The following ZNF254 variants were observed in gnomAD, a reference collection of about 807,000 sequenced individuals.
ZNF254 encodes zinc finger protein 254, also known as CTD-2017D11.1.
A neutral mutation model predicts 12.4 loss-of-function variants in ZNF254; 10 were observed. That is an observed-to-expected ratio of 0.80 (90% CI 0.50 to 1.36). The LOEUF (loss-of-function observed/expected upper bound fraction) is 1.36, where lower values mean the gene tolerates loss of function less well. ZNF254 is among the 40% of genes most tolerant of loss of function. The pLI, the probability that ZNF254 is intolerant of heterozygous loss-of-function variation, is 0.00. For missense variants in ZNF254, 996 were observed against 763.9 expected, an observed-to-expected ratio of 1.30 and a Z score of -3.58; for synonymous variants, 305 against 253.4, an observed-to-expected ratio of 1.20 and a Z score of -1.93.
chr19:24,122,142 T>C (rs1974524745), intron 3 of ZNF254, among the ~76,000 whole-genome samples: 1 of 152,246 alleles, frequency 6.6e-6, no homozygotes, highest in South Asian at 2.1e-4. Flanking sequence ...ACTAATTATC[T>C]TGACATTGTC....
rs544250392 is a variant in ZNF254, at chr19:24,113,069, C to A, written c.253+6426C>A. Reference sequence around the variant, plus strand: ...TTACCAATGAAAAAGAGTCCTGGATCAGATGGATTCACAGCCAAATTCTAC... The same window carrying A: ...TTACCAATGAAAAAGAGTCCTGGATAAGATGGATTCACAGCCAAATTCTAC... On this transcript the variant is annotated intron_variant, in intron 3 of 3. Coordinates refer to ENST00000357002, the MANE Select transcript of ZNF254 (RefSeq NM_203282.4). Among the ~76,000 whole-genome samples, 459 of 152,288 alleles carry A rather than the reference C, an allele frequency of 3.0e-3. 5 individuals are homozygous for A. Among genetic ancestry groups the A allele is most frequent in the Non-Finnish European group, 4.9e-3 (330 of 68,026 alleles).
intron 2 of ZNF254, chr19:24,049,454 CAT>C (rs1226226482): frequency 6.6e-6 from 1 of 151,872 alleles, no homozygotes; most frequent in African/African-American, 2.4e-5. Context: ...GTGATTATGA[CAT>C]GTGACTTTAT....
At chr19:24,034,311 C>G (rs751458177) in intron 1 of ZNF254, among the ~76,000 whole-genome samples, 14 of 152,108 alleles carry the variant, frequency 9.2e-5, no homozygotes, top group Non-Finnish European at 1.9e-4. Context: ...TAGCCATGGA[C>G]AGAACCTTTA....
intron 2 of ZNF254, among the ~76,000 whole-genome samples, chr19:24,069,040 T>G (rs1004106879): frequency 2.0e-5 from 3 of 152,036 alleles, no homozygotes; most frequent in African/African-American, 7.2e-5. Flanking sequence ...GGAGTCTCAC[T>G]TTGTCACCCA....
intron 2 of ZNF254, chr19:24,079,138 C>G (rs1971760126): frequency 6.6e-6 from 1 of 152,124 alleles, no homozygotes; most frequent in Admixed American, 6.6e-5. Context: ...TTTTGCTTCT[C>G]AGTCAGAATG....
At chr19:24,099,616 A>G (rs1285899599) in intron 1 of ZNF254, among the ~76,000 whole-genome samples, 1 of 152,232 alleles carries the variant, frequency 6.6e-6, no homozygotes, top group Non-Finnish European at 1.5e-5. Context: ...ACCTTCTGTC[A>G]TGAAGATGTG....
chr19:24,057,268 C>T (rs776640737), intron 2 of ZNF254, among the ~76,000 whole-genome samples: 1 of 152,200 alleles, frequency 6.6e-6, no homozygotes, highest in Non-Finnish European at 1.5e-5. Flanking sequence ...TTAAATCTTA[C>T]ATGTGGATGC....
chr19:24,117,864 G>A (rs1198855211), intron 3 of ZNF254, among the ~76,000 whole-genome samples: 1 of 151,900 alleles, frequency 6.6e-6, no homozygotes, highest in Admixed American at 6.6e-5. Flanking sequence ...TTTTAAAACT[G>A]AATCATATTC....
At chr19:24,113,187 C>T (rs1339838474) in intron 3 of ZNF254, among the ~76,000 whole-genome samples, 2 of 152,090 alleles carry the variant, frequency 1.3e-5, no homozygotes, top group Non-Finnish European at 2.9e-5. Flanking sequence ...TTTATGAGGC[C>T]AGCATCATCC....
At chr19:24,099,145 TCCA>T (rs889994449) in intron 1 of ZNF254, among the ~76,000 whole-genome samples, 5 of 150,634 alleles carry the variant, frequency 3.3e-5, no homozygotes, top group African/African-American at 1.2e-4. Flanking sequence ...ACAGGTGCCC[TCCA>T]CCATGCCCAG....
intron 2 of ZNF254, among the ~76,000 whole-genome samples, chr19:24,068,172 A>AT (rs1355870359): frequency 6.6e-6 from 1 of 152,164 alleles, no homozygotes. Context: ...CAAAGAAAAT[A>AT]TTGTGGCATA....
chr19:24,081,278 C>G (rs944642998), intron 2 of ZNF254, among the ~76,000 whole-genome samples: 4 of 152,040 alleles, frequency 2.6e-5, no homozygotes, highest in East Asian at 1.9e-4. Flanking sequence ...GCCCGGATGC[C>G]TCAGGGAAGT....
In ZNF254 at chr19:24,127,416, A is replaced by T; in HGVS notation, c.1416A>T (p.Ile472=). The part of the protein sequence containing the change: ...YKCEECGKAF[I]WSSTLTRHKR... ...GTGAAGAATGTGGCAAGGCATTTAT[A>T]TGGTCCTCAACCCTAACTAGACATA... The change falls in exon 4 of 4, where the codon ATA becomes ATT. Residue 472 remains isoleucine, a synonymous_variant. Coordinates refer to ENST00000357002, the MANE Select transcript of ZNF254 (RefSeq NM_203282.4). The T allele has an allele frequency of 6.2e-7, 1 of 1,609,364 alleles. No individual in the cohort carries two copies. The highest frequency in any genetic ancestry group is 8.5e-7 in the Non-Finnish European group (1 of 1,177,886).
In ZNF254 at chr19:24,126,305, A is replaced by T. The variant is rs1358257015; in HGVS notation, c.305A>T (p.Asp102Val). The T allele has an allele frequency of 2.5e-6, 4 of 1,585,540 alleles. No homozygotes were observed. Among genetic ancestry groups the T allele is most frequent in the Non-Finnish European group, 3.4e-6 (4 of 1,168,336 alleles). ...QDLWPEQGME[D>V]SFQKAILRRY... ...CTTTGGCCAGAGCAGGGCATGGAAG[A>T]TTCTTTTCAAAAAGCAATACTGAGA... The change falls in exon 4 of 4, where the codon GAT (aspartate) becomes GTT (valine). Residue 102 changes from aspartate (D) to valine (V), a missense_variant. Asp to Val is a radical substitution (Grantham distance 152). Transcript: ENST00000357002.
chr19:24,052,320 G>A (rs1319194269), intron 2 of ZNF254, among the ~76,000 whole-genome samples: 1 of 152,216 alleles, frequency 6.6e-6, no homozygotes, highest in Non-Finnish European at 1.5e-5. Context: ...CATCACTTAG[G>A]TGATGTGATT....
In ZNF254 at chr19:24,128,558, A is replaced by T. The variant is rs1975051285; in HGVS notation, c.*578A>T. On this transcript the variant is annotated 3_prime_UTR_variant, in exon 4 of 4. Coordinates refer to ENST00000357002, the MANE Select transcript of ZNF254 (RefSeq NM_203282.4). ...TCAGGCAGTTGTTAAAATTTTGTTG[A>T]ACATCAGGGAGTTTAAGAAAACCCT... is the stretch of plus-strand genomic sequence containing the variant. The T allele has an allele frequency of 6.6e-6, 1 of 152,124 alleles. No homozygotes were observed. 9.4% of individuals were successfully genotyped at this position (152,124 alleles called of 1,614,324 possible).
intron 2 of ZNF254, among the ~76,000 whole-genome samples, chr19:24,076,875 G>A (rs1180589508): frequency 6.6e-6 from 1 of 152,124 alleles, no homozygotes; most frequent in Non-Finnish European, 1.5e-5. Context: ...GAAAAGTCAA[G>A]CTGGAGACTA....
At chr19:24,097,123 T>C (rs935818923) in intron 1 of ZNF254, among the ~76,000 whole-genome samples, 1 of 152,238 alleles carries the variant, frequency 6.6e-6, no homozygotes, top group Non-Finnish European at 1.5e-5. Flanking sequence ...AATAAAACTT[T>C]TGTCATTTTT....
intron 2 of ZNF254, among the ~76,000 whole-genome samples, chr19:24,047,202 T>C (rs61178020): frequency 0.16 from 24,190 of 151,912 alleles, 2,097 homozygotes; most frequent in Middle Eastern, 0.23. Flanking sequence ...TTCTCCCTTT[T>C]TGTCTCTCTC....
Sources: gnomAD v4.1 joint callset for allele counts (sites outside exome capture counted in the v4.1 genomes callset) on GRCh38, gnomAD v4.1.1 for gene constraint, MANE v1.5 for transcripts, NCBI Gene and HGNC (gene_info 2026-07-23, HGNC 2026-07-21) for gene names.